The following CMSS1 variants were observed in gnomAD, a reference collection of about 807,000 sequenced individuals.
CMSS1 encodes the protein cms1 ribosomal small subunit homolog, also known as protein CMSS1.
In CMSS1, 33 loss-of-function variants were observed where a neutral mutation model predicts 43.5. The observed-to-expected ratio is 0.76, with a 90% CI of 0.57 to 1.01. CMSS1 has a LOEUF of 1.01. Among genes scored for constraint, CMSS1 ranks in the 50% least tolerant of loss-of-function variants. The probability of loss-of-function intolerance (pLI) is 0.00; values close to 1 mark genes in which losing one functional copy is unlikely to be tolerated. For synonymous variants in CMSS1, 115 were observed against 117.2 expected (o/e 0.98, Z 0.12); for missense variants, 313 against 326.4 (o/e 0.96, Z 0.32).
intron 1 of CMSS1, among the ~76,000 whole-genome samples, chr3:100,009,517 G>A (rs951908283): frequency 1.6e-4 from 24 of 152,154 alleles, no homozygotes; most frequent in Non-Finnish European, 2.9e-4. Flanking sequence ...GGAAACTTTC[G>A]TCACCTCCAC....
intron 1 of CMSS1, chr3:99,833,203 G>T: frequency 6.3e-7 from 1 of 1,597,926 alleles, no homozygotes; most frequent in Non-Finnish European, 8.6e-7. Flanking sequence ...ACTGGGATTT[G>T]GAATGCCTTA....
intron 1 of CMSS1, among the ~76,000 whole-genome samples, chr3:100,101,322 A>G (rs947716732): frequency 2.0e-5 from 3 of 152,164 alleles, no homozygotes; most frequent in African/African-American, 7.2e-5. Context: ...GACTTCGTTG[A>G]CTGAGGACAC....
chr3:100,156,587 G>A (rs1421680419), intron 2 of CMSS1, among the ~76,000 whole-genome samples: 9 of 151,926 alleles, frequency 5.9e-5, no homozygotes, highest in African/African-American at 2.2e-4. Flanking sequence ...GACTACAGGC[G>A]TGAGCCACCA....
chr3:100,025,448 C>G (rs1017387485), intron 1 of CMSS1: 2 of 152,078 alleles, frequency 1.3e-5, no homozygotes, highest in African/African-American at 2.4e-5. Flanking sequence ...CTTCCCCACC[C>G]ACTTTCAGAA....
In CMSS1 at chr3:100,167,749, T is replaced by TAAACTTCCTA; in HGVS notation, c.427_428insAAACTTCCTA (p.Trp143Ter). The TAAACTTCCTA allele has an allele frequency of 6.2e-7, 1 of 1,610,922 alleles. No individual in the cohort carries two copies. The highest frequency in any genetic ancestry group is 8.5e-7 in the Non-Finnish European group (1 of 1,178,550). On this transcript the variant is annotated stop_gained and frameshift_variant, in exon 6 of 10. Transcript: ENST00000421999. LOFTEE classifies it high-confidence loss of function. ...GTTCTTTTTTCCAGTTTGTCCTAAG[T>TAAACTTCCTA]GGGTAAAACTTAGGAAGAACCACAG...
rs142771412 is a variant in CMSS1, at chr3:100,138,404, C to A, written c.65-8569C>A. On this transcript the variant is annotated intron_variant, in intron 1 of 9. Transcript: ENST00000421999. Reference sequence around the variant, plus strand: ...AGAAACTATCATCAGAGTGAACAGGCAACCTATAGATTGGGAGAAAAATTT... The same window carrying A: ...AGAAACTATCATCAGAGTGAACAGGAAACCTATAGATTGGGAGAAAAATTT... 2.8e-3 allele frequency among the ~76,000 whole-genome samples: 418 copies of A among 150,846 alleles called. 1 individual carries two copies. Among genetic ancestry groups the A allele is most frequent in the African/African-American group, 9.4e-3 (386 of 41,146 alleles).
chr3:99,946,390 A>G lies in CMSS1; in HGVS notation c.64+128347A>G, dbSNP rs573062395. 3.3e-5 allele frequency among the ~76,000 whole-genome samples: 5 copies of G among 152,350 alleles called. No individual in the cohort carries two copies. In the South Asian group the frequency reaches 1.0e-3, roughly 32 times the overall value. ...CGGAAAAGGAGTTTTCATCCTAGAA[A>G]GGGTGTGTAAGCAGTATCCAAAGGT... On this transcript the variant is annotated intron_variant, in intron 1 of 9. Transcript: ENST00000421999.
chr3:99,831,425 T>C (rs1354365999), intron 1 of CMSS1, among the ~76,000 whole-genome samples: 1 of 152,218 alleles, frequency 6.6e-6, no homozygotes, highest in Non-Finnish European at 1.5e-5. Flanking sequence ...TCTCCACATA[T>C]TTTATAGTAA....
intron 1 of CMSS1, among the ~76,000 whole-genome samples, chr3:99,846,255 C>T (rs1292293736): frequency 7.2e-5 from 11 of 152,304 alleles, no homozygotes; most frequent in Non-Finnish European, 1.6e-4. Flanking sequence ...CCCAGTGCCA[C>T]ACAAGCATGT....
chr3:100,167,168 C>T (rs2067072459), intron 5 of CMSS1, among the ~76,000 whole-genome samples: 1 of 152,174 alleles, frequency 6.6e-6, no homozygotes, highest in South Asian at 2.1e-4. Flanking sequence ...TTTCAAACTA[C>T]AAGCAATTCT....
chr3:100,021,960 T>TGTGTGTGAGAGA (rs1321185364), intron 1 of CMSS1, among the ~76,000 whole-genome samples: 13 of 93,332 alleles, frequency 1.4e-4, no homozygotes, highest in South Asian at 4.4e-4. Flanking sequence ...TGTGTGTGTG[T>TGTGTGTGAGAGA]GAGAGAGAGA....
At chr3:99,892,721 C>G (rs1706123379) in intron 1 of CMSS1, among the ~76,000 whole-genome samples, 1 of 152,178 alleles carries the variant, frequency 6.6e-6, no homozygotes, top group Admixed American at 6.5e-5. Flanking sequence ...ATTCCTTACT[C>G]CATCTCACCC....
chr3:100,118,245 G>C (rs1310785181), intron 1 of CMSS1, among the ~76,000 whole-genome samples: 3 of 151,574 alleles, frequency 2.0e-5, no homozygotes, highest in African/African-American at 7.3e-5. Flanking sequence ...AATATGTTCT[G>C]TGTATTTACT....
At chr3:100,159,381 T>G (rs1409961775) in intron 2 of CMSS1, among the ~76,000 whole-genome samples, 1 of 152,214 alleles carries the variant, frequency 6.6e-6, no homozygotes, top group Non-Finnish European at 1.5e-5. Flanking sequence ...TATTATATCT[T>G]TCTCTCTGAC....
intron 1 of CMSS1, among the ~76,000 whole-genome samples, chr3:99,927,912 G>A (rs188521517): frequency 3.8e-4 from 58 of 152,120 alleles, no homozygotes; most frequent in East Asian, 1.2e-3. Flanking sequence ...TGTTCCTGTC[G>A]TGTCATGTAA....
intron 1 of CMSS1, among the ~76,000 whole-genome samples, chr3:100,012,929 C>T (rs573538029): frequency 1.1e-4 from 17 of 151,952 alleles, no homozygotes; most frequent in Admixed American, 4.6e-4. Context: ...TGTGCCACCA[C>T]ACCCAACCAA....
intron 1 of CMSS1, among the ~76,000 whole-genome samples, chr3:100,044,439 T>C (rs2065249967): frequency 6.6e-6 from 1 of 152,078 alleles, no homozygotes; most frequent in Admixed American, 6.5e-5. Flanking sequence ...GCTCAAAGAA[T>C]GAGTAGGAGT....
chr3:100,025,137 T>G (rs1471845760), intron 1 of CMSS1, among the ~76,000 whole-genome samples: 1 of 152,174 alleles, frequency 6.6e-6, no homozygotes, highest in Non-Finnish European at 1.5e-5. Context: ...TTCCCAATTC[T>G]GTCAATGACC....
chr3:100,114,175 CT>C (rs924577894), intron 1 of CMSS1: 2 of 152,074 alleles, frequency 1.3e-5, no homozygotes, highest in Admixed American at 1.3e-4. Context: ...TGGACACCCT[CT>C]CAGTTTTTGT....
Sources: allele counts gnomAD v4.1 joint callset (sites outside exome capture counted in the v4.1 genomes callset), GRCh38; gene constraint gnomAD v4.1.1; transcripts MANE v1.5; gene names NCBI Gene and HGNC (gene_info 2026-07-23, HGNC 2026-07-21).